The following OGDH variants were observed in gnomAD, a reference collection of about 807,000 sequenced individuals.
OGDH encodes the protein oxoglutarate dehydrogenase.
Under a neutral mutation model 116.6 loss-of-function variants are expected in OGDH, and 38 were observed. That is an observed-to-expected ratio of 0.33 (90% CI 0.25 to 0.43). The LOEUF (loss-of-function observed/expected upper bound fraction) is 0.43. OGDH is among the 20% of genes least tolerant of loss of function. The probability of loss-of-function intolerance (pLI) is 1.00; values close to 1 mark genes in which losing one functional copy is unlikely to be tolerated. For synonymous variants in OGDH, 488 were observed against 533.3 expected (o/e 0.92, Z 1.17); for missense variants, 825 against 1,357.2 (o/e 0.61, Z 6.16).
intron 2 of OGDH, among the ~76,000 whole-genome samples, chr7:44,640,506 G>C (rs1211214704): frequency 6.6e-6 from 1 of 152,064 alleles, no homozygotes; most frequent in African/African-American, 2.4e-5. Context: ...TTGAAAAGAA[G>C]TAAACTTGTG....
intron 2 of OGDH, among the ~76,000 whole-genome samples, chr7:44,632,775 C>T (rs1054103923): frequency 6.6e-6 from 1 of 151,922 alleles, no homozygotes; most frequent in Admixed American, 6.6e-5. Context: ...CGTGCCACCA[C>T]GCCTGGCTAA....
chr7:44,609,542 T>A (rs1402545153), intron 1 of OGDH, among the ~76,000 whole-genome samples: 2 of 151,930 alleles, frequency 1.3e-5, no homozygotes, highest in Non-Finnish European at 2.9e-5. Context: ...TTCATTCCTT[T>A]TTATTGAAGC....
chr7:44,637,771 A>G (rs1277208105), intron 2 of OGDH, among the ~76,000 whole-genome samples: 5 of 151,872 alleles, frequency 3.3e-5, no homozygotes, highest in African/African-American at 1.2e-4. Context: ...GTGAGCCAAG[A>G]TCACGCCACT....
intron 1 of OGDH, among the ~76,000 whole-genome samples, chr7:44,610,226 A>C (rs1263921395): frequency 6.6e-6 from 1 of 151,638 alleles, no homozygotes. Context: ...TATTCTAGAT[A>C]CCACTGCTTT....
rs1789111336 is a variant in OGDH at position 44,707,080 on chromosome 7, G to C, written c.2633-145G>C. The C allele has an allele frequency of 7.9e-6, 6 of 755,850 alleles. No individual in the cohort carries two copies. The South Asian group carries it at 1.1e-4, about 14-fold the overall frequency. The allele number at this position is 755,850 out of a possible 1,614,324, so 46.8% of individuals were successfully genotyped here. On this transcript the variant is annotated intron_variant, in intron 20 of 22. Transcript: ENST00000222673. The surrounding 1 kb of genome is among the most constrained non-coding windows in gnomAD (Gnocchi z 5.2). Reference sequence around the variant, plus strand: ...TGTGCCTGGTCTGAGCAAATACAGGGCATCAGAGGCTGGTGAAGGGGAAGC... The same window carrying C: ...TGTGCCTGGTCTGAGCAAATACAGGCCATCAGAGGCTGGTGAAGGGGAAGC...
At position 44,671,486 on chromosome 7, in the gene OGDH, G is replaced by A. The variant is rs190867776; in HGVS notation, c.634-2301G>A. On this transcript the variant is annotated intron_variant, in intron 5 of 22. Coordinates refer to ENST00000222673, the MANE Select transcript of OGDH (RefSeq NM_002541.4). ...GTTAATAAAAATATCTTAAATAGCC[G>A]GGCGCGGTGGCTCACGCCTGTAATT... Among the ~76,000 whole-genome samples, 1,163 of 152,064 alleles carry A rather than the reference G, an allele frequency of 7.6e-3. 3 individuals carry two copies. The highest frequency in any genetic ancestry group is 0.014 in the Non-Finnish European group (940 of 67,964).
Position 44,618,427 on chromosome 7 carries a change from GC to G in OGDH, c.-27-5886del, listed in dbSNP as rs111338482. Among the ~76,000 whole-genome samples, 377 of 152,152 alleles carry G rather than the reference GC, an allele frequency of 2.5e-3. 4 individuals are homozygous for G. The highest frequency in any genetic ancestry group is 8.5e-3 in the African/African-American group (352 of 41,510). On this transcript the variant is annotated intron_variant, in intron 1 of 22. Coordinates refer to ENST00000222673, the MANE Select transcript of OGDH (RefSeq NM_002541.4). Reference sequence around the variant, plus strand: ...ATCCTTCCCTCATTTCTCTGCCCCAGCCCCAGGCAACCACTAATCTACTTTC... The same window carrying G: ...ATCCTTCCCTCATTTCTCTGCCCCAGCCCAGGCAACCACTAATCTACTTTC...
intron 3 of OGDH, 104 bp downstream of exon 3, chr7:44,645,622 T>C: frequency 1.9e-6 from 2 of 1,069,314 alleles, no homozygotes; most frequent in Admixed American, 5.6e-5. Context: ...TCACTTTACT[T>C]ATACCTCCTC....
chr7:44,683,073 C>T (rs1003679488), intron 10 of OGDH, among the ~76,000 whole-genome samples: 10 of 151,616 alleles, frequency 6.6e-5, no homozygotes, highest in Admixed American at 6.6e-4. Context: ...GGCGTGAACC[C>T]GGGAGGTGGA....
chr7:44,648,274 T>A (rs551085973), intron 4 of OGDH, among the ~76,000 whole-genome samples: 2 of 152,308 alleles, frequency 1.3e-5, no homozygotes, highest in African/African-American at 4.8e-5. Context: ...GTGATCACAC[T>A]GAGGAAACTT....
At chr7:44,628,799 T>C (rs570557558) in intron 2 of OGDH, among the ~76,000 whole-genome samples, 41 of 152,132 alleles carry the variant, frequency 2.7e-4, no homozygotes, top group Non-Finnish European at 5.6e-4. Context: ...GTGAAAATTA[T>C]ATTTGTGGTA....
intron 5 of OGDH, among the ~76,000 whole-genome samples, chr7:44,671,692 C>T (rs1395298073): frequency 8.8e-5 from 13 of 147,812 alleles, no homozygotes; most frequent in Admixed American, 6.9e-4. Context: ...CGCTTGAACC[C>T]GGGAGGCGGA....
chr7:44,606,795 A>G (rs996342893), intron 1 of OGDH, 142 bp downstream of exon 1: 3 of 152,238 alleles, frequency 2.0e-5, no homozygotes, highest in Non-Finnish European at 2.9e-5. Context: ...GTGGAGCTGG[A>G]TGGAGTGGGG....
intron 1 of OGDH, among the ~76,000 whole-genome samples, chr7:44,609,458 C>T (rs965626068): frequency 1.3e-5 from 2 of 149,918 alleles, no homozygotes; most frequent in Non-Finnish European, 3.0e-5. Context: ...TGCGGTGAGC[C>T]GAGATCGCGC....
chr7:44,658,823 T>C (rs1011568970), intron 4 of OGDH, among the ~76,000 whole-genome samples: 3 of 152,096 alleles, frequency 2.0e-5, no homozygotes, highest in Non-Finnish European at 4.4e-5. Context: ...TGATATGATC[T>C]TGTGATTTAT....
At chr7:44,610,224 A>G (rs567222731) in intron 1 of OGDH, among the ~76,000 whole-genome samples, 72 of 151,618 alleles carry the variant, frequency 4.7e-4, no homozygotes, top group Non-Finnish European at 8.8e-4. Flanking sequence ...TGTATTCTAG[A>G]TACCACTGCT....
intron 2 of OGDH, among the ~76,000 whole-genome samples, chr7:44,626,292 CACACACACACCCCT>C (rs1785198997): frequency 1.3e-5 from 2 of 148,336 alleles, no homozygotes. Flanking sequence ...GCAGATTTCA[CACACACACACCCCT>C]ACACACACAC....
At chr7:44,698,407 C>G (rs1788682707) in intron 18 of OGDH, 144 bp downstream of exon 18, 5 of 800,250 alleles carry the variant, frequency 6.2e-6, no homozygotes, top group Non-Finnish European at 1.0e-5. Flanking sequence ...CGTGAGTGGA[C>G]AGGTGTGGCC....
At chr7:44,615,600 A>G (rs1197204952) in intron 1 of OGDH, among the ~76,000 whole-genome samples, 1 of 152,198 alleles carries the variant, frequency 6.6e-6, no homozygotes, top group African/African-American at 2.4e-5. Context: ...AAAGTTTTCC[A>G]TCTTGCTGCT....
Sources: allele counts gnomAD v4.1 joint callset (sites outside exome capture counted in the v4.1 genomes callset), GRCh38; gene constraint gnomAD v4.1.1; non-coding constraint Gnocchi (gnomAD v3.1); transcripts MANE v1.5; gene names NCBI Gene and HGNC (gene_info 2026-07-23, HGNC 2026-07-21).